Variants in FAM81A observed in about 807,000 individuals in gnomAD.
FAM81A encodes family with sequence similarity 81 member A, also known as protein FAM81A.
A neutral mutation model predicts 46.7 loss-of-function variants in FAM81A; 19 were observed. The observed-to-expected ratio is 0.41, with a 90% CI of 0.28 to 0.60. The LOEUF (loss-of-function observed/expected upper bound fraction) is 0.60. FAM81A is among the 20% of genes least tolerant of loss of function. The pLI, the probability that FAM81A is intolerant of heterozygous loss-of-function variation, is 0.34. For synonymous variants in FAM81A, 183 were observed against 152.9 expected (o/e 1.20, Z -1.45); for missense variants, 377 against 453.5 (o/e 0.83, Z 1.53).
chr15:59,456,089 A>G (rs1243478035), intron 1 of FAM81A, among the ~76,000 whole-genome samples: 3 of 152,218 alleles, frequency 2.0e-5, no homozygotes, highest in Non-Finnish European at 4.4e-5. Flanking sequence ...AATAAATAGT[A>G]TACAAACAGA....
At chr15:59,421,732 T>C (rs1480396677) in intron 2 of FAM81A, among the ~76,000 whole-genome samples, 1 of 99,000 alleles carries the variant, frequency 1.0e-5, no homozygotes, top group Admixed American at 9.3e-5. Context: ...TCTGTCTGTC[T>C]ATCTATCTAT....
At chr15:59,448,110 C>A (rs2081371659) in intron 1 of FAM81A, among the ~76,000 whole-genome samples, 1 of 152,152 alleles carries the variant, frequency 6.6e-6, no homozygotes, top group African/African-American at 2.4e-5. Flanking sequence ...GGAGTGGTGG[C>A]TCAGGCCTGT....
chr15:59,403,549 G>A (rs1197753369), intron 2 of FAM81A, among the ~76,000 whole-genome samples: 2 of 152,168 alleles, frequency 1.3e-5, no homozygotes, highest in Non-Finnish European at 2.9e-5. Flanking sequence ...TGTTGCTTAA[G>A]ACACCCTGAC....
chr15:59,502,636 C>G (rs1343080766), intron 4 of FAM81A, among the ~76,000 whole-genome samples: 1 of 151,816 alleles, frequency 6.6e-6, no homozygotes, highest in Non-Finnish European at 1.5e-5. Context: ...GCTTCAGCCT[C>G]CCGAGTAGCT....
At chr15:59,423,510 C>T (rs2081183611) in intron 2 of FAM81A, among the ~76,000 whole-genome samples, 1 of 152,152 alleles carries the variant, frequency 6.6e-6, no homozygotes, top group South Asian at 2.1e-4. Flanking sequence ...GAGATTTAAT[C>T]CAAGTCAATC....
intron 1 of FAM81A, among the ~76,000 whole-genome samples, chr15:59,444,604 C>T (rs1418331340): frequency 1.3e-5 from 2 of 152,166 alleles, no homozygotes; most frequent in African/African-American, 4.8e-5. Flanking sequence ...CCACCTGCCT[C>T]CTCTGGCTGT....
chr15:59,485,445 G>C (rs1377375989), intron 3 of FAM81A, among the ~76,000 whole-genome samples: 3 of 152,196 alleles, frequency 2.0e-5, no homozygotes, highest in African/African-American at 7.2e-5. Context: ...TTGGGAGAAA[G>C]TAAGGGAAGG....
chr15:59,427,010 C>T (rs997775844), intron 2 of FAM81A, among the ~76,000 whole-genome samples: 15 of 152,324 alleles, frequency 9.8e-5, no homozygotes, highest in South Asian at 2.1e-4. Flanking sequence ...TAATTCCCTT[C>T]GCTAAGATCA....
chr15:59,491,073 C>T (rs1228357232), intron 3 of FAM81A, among the ~76,000 whole-genome samples: 1 of 152,032 alleles, frequency 6.6e-6, no homozygotes, highest in African/African-American at 2.4e-5. Context: ...TATATACCTA[C>T]AAGAAAGGAA....
chr15:59,433,326 T>A (rs1323577488), upstream of FAM81A, among the ~76,000 whole-genome samples: 1 of 151,756 alleles, frequency 6.6e-6, no homozygotes, highest in Admixed American at 6.6e-5. Flanking sequence ...AAGTGTTATG[T>A]TGAGGGCTCA....
intron 1 of FAM81A, among the ~76,000 whole-genome samples, chr15:59,455,200 G>A (rs1180849890): frequency 3.9e-5 from 6 of 151,908 alleles, no homozygotes; most frequent in Non-Finnish European, 8.8e-5. Context: ...TGGCCCCAGA[G>A]TTTATTTTTT....
chr15:59,423,245 C>T (rs1200175406), intron 2 of FAM81A, among the ~76,000 whole-genome samples: 1 of 152,116 alleles, frequency 6.6e-6, no homozygotes, highest in East Asian at 1.9e-4. Flanking sequence ...ACTACAGGCG[C>T]CCGCCAACAC....
At chr15:59,514,596 G>C (rs1163591650) in intron 7 of FAM81A, among the ~76,000 whole-genome samples, 172 bp downstream of exon 7, 2 of 152,170 alleles carry the variant, frequency 1.3e-5, no homozygotes, top group Admixed American at 1.3e-4. Flanking sequence ...TAAAGACATA[G>C]AACACTCTGA....
chr15:59,518,760 C>G (rs2082294011), intron 8 of FAM81A, among the ~76,000 whole-genome samples: 1 of 151,634 alleles, frequency 6.6e-6, no homozygotes, highest in African/African-American at 2.4e-5. Flanking sequence ...TATAGCAACC[C>G]TTTTCCAGTC....
At chr15:59,414,752 G>C (rs2081138225) in intron 2 of FAM81A, among the ~76,000 whole-genome samples, 1 of 152,148 alleles carries the variant, frequency 6.6e-6, no homozygotes, top group Non-Finnish European at 1.5e-5. Flanking sequence ...AATCAATATA[G>C]CAAACTGGTG....
At position 59,446,728 on chromosome 15, in the gene FAM81A, C is replaced by T. The variant is rs138693177; in HGVS notation, c.-78+8446C>T. The T allele has an allele frequency of 2.6e-5, 4 of 152,322 alleles. No homozygotes were observed. In the East Asian group the frequency reaches 7.7e-4, roughly 29 times the overall value. The allele number at this position is 152,322 out of a possible 1,614,324, so 9.4% of individuals were successfully genotyped here. ...TCGAGTTTTTGGAATACTGTGCTGG[C>T]ATCACTCCAGAATCACTGGACCTGT... On this transcript the variant is annotated intron_variant, in intron 1 of 8. Coordinates refer to ENST00000288228, the MANE Select transcript of FAM81A (RefSeq NM_152450.3).
chr15:59,447,396 C>T (rs760698247), intron 1 of FAM81A, among the ~76,000 whole-genome samples: 1 of 152,218 alleles, frequency 6.6e-6, no homozygotes, highest in Admixed American at 6.5e-5. Context: ...ATGTGCGTTC[C>T]TCAATGTGCT....
At chr15:59,492,227 G>A (rs1370273317) in intron 3 of FAM81A, 44 bp from the exon 4 acceptor site, 5 of 1,436,990 alleles carry the variant, frequency 3.5e-6, no homozygotes, top group African/African-American at 1.4e-5. Flanking sequence ...GTGGAAGCAC[G>A]TGAATTCTTA....
rs567640377 is a variant in FAM81A at position 59,459,544 on chromosome 15, G to A, written c.21-389G>A. On this transcript the variant is annotated intron_variant, in intron 2 of 8. Coordinates refer to ENST00000288228, the MANE Select transcript of FAM81A (RefSeq NM_152450.3). ...GTAGTATGCTTCACTCATTTATGTC[G>A]CCTGCCTGACCCACGTAGGCATTGA... 3.9e-5 allele frequency among the ~76,000 whole-genome samples: 6 copies of A among 152,164 alleles called. No homozygotes were observed. In the South Asian group the frequency reaches 6.2e-4, roughly 16 times the overall value.
Sources: allele counts gnomAD v4.1 joint callset (sites outside exome capture counted in the v4.1 genomes callset), GRCh38; gene constraint gnomAD v4.1.1; transcripts MANE v1.5; gene names NCBI Gene and HGNC (gene_info 2026-07-23, HGNC 2026-07-21).